The following PPP1R13B variants were observed in gnomAD, a reference collection of about 807,000 sequenced individuals.
PPP1R13B encodes the protein apoptosis-stimulating of p53 protein 1.
In PPP1R13B, 44 loss-of-function variants were observed where a neutral mutation model predicts 119.8. The observed-to-expected ratio is 0.37, with a 90% confidence interval of 0.29 to 0.47. The LOEUF is 0.47. Ranked by LOEUF, PPP1R13B falls within the 20% of genes least tolerant of loss-of-function variation. The pLI is 0.99. For synonymous variants in PPP1R13B, 542 were observed against 561.5 expected (o/e 0.97, Z 0.49); for missense variants, 1,227 against 1,413.5 (o/e 0.87, Z 2.12).
chr14:103,754,561 C>CAAAAAAAA (rs771794623), intron 5 of PPP1R13B, among the ~76,000 whole-genome samples: 1 of 41,018 alleles, frequency 2.4e-5, no homozygotes, highest in African/African-American at 9.3e-5. Flanking sequence ...GACTCAGTCT[C>CAAAAAAAA]AAAAAAAAAA....
chr14:103,848,244 C>T (rs2087120253), upstream of PPP1R13B: 1 of 985,210 alleles, frequency 1.0e-6, no homozygotes, highest in South Asian at 4.7e-5. Context: ...CCTAGAACCC[C>T]GCGCCCACCT....
chr14:103,785,123 A>G (rs1450668311), intron 2 of PPP1R13B, among the ~76,000 whole-genome samples: 1 of 152,232 alleles, frequency 6.6e-6, no homozygotes, highest in Non-Finnish European at 1.5e-5. Flanking sequence ...ATAAACACAA[A>G]AAGTATCCAC....
chr14:103,821,874 A>C (rs1026173882), intron 1 of PPP1R13B, among the ~76,000 whole-genome samples: 1 of 152,222 alleles, frequency 6.6e-6, no homozygotes, highest in Non-Finnish European at 1.5e-5. Context: ...GGAAAATGTA[A>C]GCTAAGTGAC....
chr14:103,845,763 A>T (rs886690648), intron 1 of PPP1R13B, among the ~76,000 whole-genome samples: 5 of 152,232 alleles, frequency 3.3e-5, no homozygotes, highest in African/African-American at 1.2e-4. Flanking sequence ...GGATTTAACT[A>T]AAACTACTTT....
chr14:103,762,145 C>T (rs999955306), intron 4 of PPP1R13B, among the ~76,000 whole-genome samples: 3 of 152,190 alleles, frequency 2.0e-5, no homozygotes, highest in Admixed American at 2.0e-4. Flanking sequence ...TCTCCCCAAA[C>T]AGCATCATCA....
chr14:103,783,157 G>C (rs1249744446), intron 3 of PPP1R13B, among the ~76,000 whole-genome samples: 1 of 151,846 alleles, frequency 6.6e-6, no homozygotes. Context: ...AAGAGAATTA[G>C]CCCTTTGCAA....
intron 5 of PPP1R13B, among the ~76,000 whole-genome samples, chr14:103,756,091 TTTTC>T (rs2084670497): frequency 6.6e-6 from 1 of 152,064 alleles, no homozygotes; most frequent in Middle Eastern, 3.2e-3. Flanking sequence ...TGGAATTTTT[TTTTC>T]TTTTTTTTTT....
intron 4 of PPP1R13B, among the ~76,000 whole-genome samples, chr14:103,769,563 A>G (rs909540982): frequency 1.3e-5 from 2 of 152,192 alleles, no homozygotes; most frequent in African/African-American, 4.8e-5. Flanking sequence ...TTTTAAAAGT[A>G]TAAGCAGTTT....
In PPP1R13B at chr14:103,742,037, C is replaced by G. The variant is rs201837852; in HGVS notation, c.1575G>C (p.Pro525=). ...CCGCTGGCGGGTACGTGGGACTTGG[C>G]GGTACGGAAATCCTCTGCTGAATCT... The part of the protein sequence containing the change: ...SQQIQQRISV[P]PSPTYPPAGP... Residue 525 remains proline, a synonymous_variant, in exon 11 of 17, where the codon CCG becomes CCC. Coordinates refer to ENST00000202556, the MANE Select transcript of PPP1R13B (RefSeq NM_015316.3). The surrounding 1 kb of genome is among the most constrained non-coding windows in gnomAD (Gnocchi z 4.9). The G allele has an allele frequency of 6.2e-7, 1 of 1,614,208 alleles. No homozygotes were observed. Among genetic ancestry groups the G allele is most frequent in the South Asian group, 1.1e-5 (1 of 91,084 alleles).
intron 1 of PPP1R13B, among the ~76,000 whole-genome samples, chr14:103,821,007 G>C (rs1243984935): frequency 1.3e-5 from 2 of 152,068 alleles, no homozygotes; most frequent in Non-Finnish European, 2.9e-5. Flanking sequence ...GTTATGTTGA[G>C]ATTTCAAGCT....
At chr14:103,789,271 T>G (rs1051875743) in intron 2 of PPP1R13B, among the ~76,000 whole-genome samples, 1 of 152,012 alleles carries the variant, frequency 6.6e-6, no homozygotes, top group Non-Finnish European at 1.5e-5. Flanking sequence ...CAGGCTGGAG[T>G]GCACTGGCAT....
chr14:103,759,881 T>C (rs2084763883), intron 4 of PPP1R13B, among the ~76,000 whole-genome samples: 2 of 152,244 alleles, frequency 1.3e-5, no homozygotes, highest in East Asian at 1.9e-4. Context: ...CATACATTTA[T>C]ACTCTTTATG....
intron 4 of PPP1R13B, chr14:103,764,441 T>C (rs999193510): frequency 2.9e-6 from 1 of 350,294 alleles, no homozygotes; most frequent in Non-Finnish European, 5.7e-6. Context: ...TGTCTTCTTC[T>C]TGTTGAATTG....
intron 15 of PPP1R13B, chr14:103,736,667 G>A (rs919634006): frequency 6.2e-6 from 1 of 160,392 alleles, no homozygotes; most frequent in African/African-American, 2.4e-5. Context: ...CAGTTGTGGT[G>A]ACCATGGGGA....
At chr14:103,816,810 C>A (rs2086293070) in intron 1 of PPP1R13B, among the ~76,000 whole-genome samples, 1 of 151,876 alleles carries the variant, frequency 6.6e-6, no homozygotes, top group Non-Finnish European at 1.5e-5. Context: ...GGGCTTAAAA[C>A]AACAAAGATA....
intron 4 of PPP1R13B, among the ~76,000 whole-genome samples, chr14:103,772,646 C>A (rs114606808): frequency 0.013 from 1,900 of 151,742 alleles, 39 homozygotes; most frequent in African/African-American, 0.043. Flanking sequence ...TGGGGAAGCA[C>A]CTGTTCAATC....
intron 2 of PPP1R13B, among the ~76,000 whole-genome samples, chr14:103,787,893 G>A (rs1429261103): frequency 5.3e-5 from 8 of 151,830 alleles, no homozygotes; most frequent in Non-Finnish European, 8.8e-5. Context: ...CTTGTGGTCC[G>A]CCCACCATGG....
At chr14:103,809,769 G>A (rs542614700) in intron 1 of PPP1R13B, among the ~76,000 whole-genome samples, 1 of 151,986 alleles carries the variant, frequency 6.6e-6, no homozygotes, top group East Asian at 2.0e-4. Flanking sequence ...GCTGCAGTGA[G>A]CTATGATCAA....
At chr14:103,842,524 A>C (rs1595851619) in intron 1 of PPP1R13B, among the ~76,000 whole-genome samples, 1 of 149,572 alleles carries the variant, frequency 6.7e-6, no homozygotes, top group African/African-American at 2.4e-5. Context: ...GCTGGTCTTG[A>C]ACTCCTGACC....
Sources: gnomAD v4.1 joint callset for allele counts (sites outside exome capture counted in the v4.1 genomes callset) on GRCh38, gnomAD v4.1.1 for gene constraint, Gnocchi (gnomAD v3.1) non-coding constraint, MANE v1.5 for transcripts, NCBI Gene and HGNC (gene_info 2026-07-23, HGNC 2026-07-21) for gene names.